GJA3: variants seen among roughly 807,000 people sequenced by gnomAD.
GJA3 encodes gap junction alpha-3 protein.
For synonymous variants in GJA3, 297 were observed against 292.6 expected, an observed-to-expected ratio of 1.02 and a Z score of -0.15; for missense variants, 571 against 620.3, an observed-to-expected ratio of 0.92 and a Z score of 0.84.
chr13:20,150,606 A>T, intron 1 of GJA3, among the ~76,000 whole-genome samples: 1 of 152,208 alleles, frequency 6.6e-6, no homozygotes, highest in East Asian at 1.9e-4. Flanking sequence ...CTTCTGAGAA[A>T]GTTCATTTAG....
In GJA3 at chr13:20,142,919, C is replaced by T; in HGVS notation, c.370G>A (p.Glu124Lys). 1 of 1,582,148 alleles carries T rather than the reference C, an allele frequency of 6.3e-7. No homozygotes were observed. Among genetic ancestry groups the T allele is most frequent in the East Asian group, 2.3e-5 (1 of 42,902 alleles). ...QLKRESPSPK[E>K]PPQDNPSSRD... ...GACGAGGGATTGTCCTGCGGTGGCT[C>T]CTTGGGGCTGGGGCTCTCTCTCTTC... Residue 124 changes from glutamate (E) to lysine (K), a missense_variant, in exon 2 of 2, where the codon GAG becomes AAG. Glu to Lys is a moderately conservative substitution (Grantham distance 56). Transcript: ENST00000241125.
intron 1 of GJA3, among the ~76,000 whole-genome samples, chr13:20,157,236 T>C (rs1958911645): frequency 6.6e-6 from 1 of 152,078 alleles, no homozygotes; most frequent in South Asian, 2.1e-4. Context: ...ATAGAGAAAA[T>C]TACAGGGGTG....
At chr13:20,146,202 C>T (rs186205094) in intron 1 of GJA3, among the ~76,000 whole-genome samples, 2 of 152,312 alleles carry the variant, frequency 1.3e-5, no homozygotes, top group African/African-American at 2.4e-5. Flanking sequence ...TCCCCACACA[C>T]GGCTGATGGC....
intron 1 of GJA3, among the ~76,000 whole-genome samples, chr13:20,155,011 C>T (rs1051023916): frequency 5.9e-5 from 9 of 151,812 alleles, no homozygotes; most frequent in East Asian, 1.9e-4. Context: ...CCACCACAGC[C>T]GATTAATTTT....
At chr13:20,153,059 T>C (rs1958887791) in intron 1 of GJA3, among the ~76,000 whole-genome samples, 1 of 152,204 alleles carries the variant, frequency 6.6e-6, no homozygotes, top group Admixed American at 6.5e-5. Flanking sequence ...TTTCATTCCT[T>C]GCCTATTTCA....
chr13:20,148,791 C>G (rs1431395490), intron 1 of GJA3, among the ~76,000 whole-genome samples: 2 of 152,216 alleles, frequency 1.3e-5, no homozygotes, highest in Non-Finnish European at 2.9e-5. Context: ...GGGAGGCCCC[C>G]GGTGTGATCG....
At position 20,141,872 on chromosome 13, in the gene GJA3, C is replaced by T; in HGVS notation, c.*109G>A. 1 of 1,490,158 alleles carries T rather than the reference C, an allele frequency of 6.7e-7. No individual in the cohort carries two copies. The highest frequency in any genetic ancestry group is 9.0e-7 in the Non-Finnish European group (1 of 1,106,894). The allele number at this position is 1,490,158 out of a possible 1,614,324, so 92.3% of individuals were successfully genotyped here. ...TCCACCTCCTGGGACTCCAGTCGCT[C>T]CCACCTCCTGGGACTTTCAGGTTCT... On this transcript the variant is annotated 3_prime_UTR_variant, in exon 2 of 2. Coordinates refer to ENST00000241125, the MANE Select transcript of GJA3 (RefSeq NM_021954.4).
intron 1 of GJA3, among the ~76,000 whole-genome samples, chr13:20,154,153 A>G (rs1015163340): frequency 8.5e-5 from 13 of 152,208 alleles, no homozygotes; most frequent in Non-Finnish European, 1.9e-4. Flanking sequence ...CAAAAATCCA[A>G]GATAGGGTTT....
chr13:20,138,644 T>C lies in GJA3; in HGVS notation c.*3337A>G, dbSNP rs539754448. On this transcript the variant is annotated 3_prime_UTR_variant, in exon 2 of 2. Transcript: ENST00000241125. Reference sequence around the variant, plus strand: ...GCTATATTAAAGGTTATTTAGGATATCCTCAATTTGTAGGGGTGGCGGGTG... The same window carrying C: ...GCTATATTAAAGGTTATTTAGGATACCCTCAATTTGTAGGGGTGGCGGGTG... 7 of 152,418 alleles carry C rather than the reference T, an allele frequency of 4.6e-5. No individual in the cohort carries two copies. Among genetic ancestry groups the C allele is most frequent in the East Asian group, 1.9e-4 (1 of 5,192 alleles). The allele number at this position is 152,418 out of a possible 1,614,324, so 9.4% of individuals were successfully genotyped here. A position where few individuals can be genotyped will look rare whatever the true frequency, so the allele number is the denominator to read the frequency against.
chr13:20,155,310 T>C (rs1304514580), intron 1 of GJA3, among the ~76,000 whole-genome samples: 1 of 152,210 alleles, frequency 6.6e-6, no homozygotes, highest in Non-Finnish European at 1.5e-5. Context: ...TTTAAAATTA[T>C]CTGAATAAGC....
At chr13:20,147,685 T>C (rs1958851404) in intron 1 of GJA3, among the ~76,000 whole-genome samples, 1 of 152,272 alleles carries the variant, frequency 6.6e-6, no homozygotes, top group South Asian at 2.1e-4. Flanking sequence ...CTGCTCATCA[T>C]AAAAGATAGA....
chr13:20,141,777 A>G lies in GJA3; in HGVS notation c.*204T>C. On this transcript the variant is annotated 3_prime_UTR_variant, in exon 2 of 2. Transcript: ENST00000241125. ...CCCCCAAACTCAGAAAGTGGGAGTT[A>G]TCCCCACTGTAACTCACAGTGCTAA... is the stretch of plus-strand genomic sequence containing the variant. The G allele has an allele frequency of 1.4e-6, 1 of 714,956 alleles. No homozygotes were observed. 44.3% of individuals were successfully genotyped at this position (714,956 alleles called of 1,614,324 possible).
At chr13:20,161,512 G>A (rs1167555237), upstream of GJA3, among the ~76,000 whole-genome samples, 2 of 152,094 alleles carry the variant, frequency 1.3e-5, no homozygotes, top group East Asian at 3.9e-4. Flanking sequence ...TGGGCGTCGG[G>A]CACCTAGGTC....
intron 1 of GJA3, among the ~76,000 whole-genome samples, chr13:20,155,434 GGTTTACT>G (rs1423607476): frequency 2.0e-5 from 3 of 151,882 alleles, no homozygotes; most frequent in African/African-American, 7.3e-5. Flanking sequence ...AACATACGTA[GGTTTACT>G]GTTTACTAAG....
chr13:20,160,107 G>T (rs921155391), intron 1 of GJA3, among the ~76,000 whole-genome samples: 3 of 152,096 alleles, frequency 2.0e-5, no homozygotes, highest in African/African-American at 7.2e-5. Flanking sequence ...AACTCTACAT[G>T]GTAGGATGAA....
upstream of GJA3, among the ~76,000 whole-genome samples, chr13:20,161,526 C>G (rs1480417535): frequency 6.6e-6 from 1 of 152,142 alleles, no homozygotes; most frequent in African/African-American, 2.4e-5. Flanking sequence ...CTAGGTCTCG[C>G]CCGCCTGCAG....
intron 1 of GJA3, among the ~76,000 whole-genome samples, chr13:20,159,241 C>T (rs1312166647): frequency 6.6e-6 from 1 of 151,716 alleles, no homozygotes; most frequent in African/African-American, 2.4e-5. Context: ...AGTCCTCACT[C>T]TCAGGAGATT....
rs768118379 is a variant in GJA3, at chr13:20,142,341, G to A, written c.948C>T (p.Asn316=). ...CAGTCATCAGCAGGTGGTGGTGGCCGTTGTAGAGCTTGGCGGACTGGCCCT... is the reference window on the plus strand; with the variant it reads ...CAGTCATCAGCAGGTGGTGGTGGCCATTGTAGAGCTTGGCGGACTGGCCCT... ...RGKGQSAKLY[N]GHHHLLMTEQ... is the part of the protein sequence containing the mutation. Residue 316 remains asparagine, a synonymous_variant, in exon 2 of 2, where the codon AAC becomes AAT. Coordinates refer to ENST00000241125, the MANE Select transcript of GJA3 (RefSeq NM_021954.4). The A allele has an allele frequency of 5.8e-6, 9 of 1,558,848 alleles. No individual in the cohort carries two copies. The highest frequency in any genetic ancestry group is 2.0e-5 in the Admixed American group (1 of 50,618).
rs1437919252 is a variant in GJA3, at chr13:20,140,998, G to T, written c.*983C>A. 6.6e-6 allele frequency: 1 copy of T among 152,018 alleles called. No homozygotes were observed. Among genetic ancestry groups the T allele is most frequent in the Non-Finnish European group, 1.5e-5 (1 of 68,018 alleles). The allele number at this position is 152,018 out of a possible 1,614,324, so 9.4% of individuals were successfully genotyped here. A position where few individuals can be genotyped will look rare whatever the true frequency, so the allele number is the denominator to read the frequency against. The stretch of plus-strand genomic sequence containing the variant: ...TATAATACATTCTCATTATAATTAG[G>T]TGACTCATGAAATTAAAGAATTTCT... On this transcript the variant is annotated 3_prime_UTR_variant, in exon 2 of 2. Transcript: ENST00000241125.
Sources: gnomAD v4.1 joint callset for allele counts (sites outside exome capture counted in the v4.1 genomes callset) on GRCh38, gnomAD v4.1.1 for gene constraint, MANE v1.5 for transcripts, NCBI Gene and HGNC (gene_info 2026-07-23, HGNC 2026-07-21) for gene names.